Variants in NCKAP5 observed in about 807,000 individuals in gnomAD.
The protein encoded by NCKAP5 is NCK associated protein 5, also known as nck-associated protein 5.
NCKAP5 carries 92 observed loss-of-function variants against 167.0 expected under a neutral mutation model. That is an observed-to-expected ratio of 0.55 (90% CI 0.47 to 0.66). The LOEUF is 0.66. Among genes scored for constraint, NCKAP5 ranks in the 30% least tolerant of loss-of-function variants. The pLI is 0.00. For missense variants in NCKAP5, 2,378 were observed against 2,315.0 expected (o/e 1.03, Z -0.56); for synonymous variants, 891 against 877.4 (o/e 1.02, Z -0.27).
chr2:133,171,123 A>G (rs935371414), intron 5 of NCKAP5, among the ~76,000 whole-genome samples: 3 of 152,190 alleles, frequency 2.0e-5, no homozygotes, highest in African/African-American at 7.2e-5. Flanking sequence ...AGAGAGATAA[A>G]GGGAGCATTT....
chr2:133,352,184 T>A (rs1181947487), intron 3 of NCKAP5, among the ~76,000 whole-genome samples: 1 of 152,200 alleles, frequency 6.6e-6, no homozygotes, highest in Non-Finnish European at 1.5e-5. Context: ...TCACACTCTG[T>A]ATCCCCCTCC....
rs182293230 is a variant in NCKAP5 at position 133,280,422 on chromosome 2, T to A, written c.143+22615A>T. ...TGTTTATTTATTTATTTATTTATTT[T>A]TTGAGACAGGGTCTGACTCTCTTGC... On this transcript the variant is annotated intron_variant, in intron 4 of 19. Transcript: ENST00000409261. Among the ~76,000 whole-genome samples, 154 of 151,058 alleles carry A rather than the reference T, an allele frequency of 1.0e-3. 1 individual carries two copies. Among genetic ancestry groups the A allele is most frequent in the African/African-American group, 3.4e-3 (136 of 40,398 alleles).
the NCKAP5 span, among the ~76,000 whole-genome samples, chr2:133,647,420 A>AAGGAAGGAAGGAAGG: frequency 3.4e-5 from 2 of 59,372 alleles, no homozygotes; most frequent in African/African-American, 8.5e-5. Context: ...AGGAAGGAAG[A>AAGGAAGGAAGGAAGG]GAAAGAAAGG....
At chr2:133,406,657 A>C (rs1378536666) in intron 3 of NCKAP5, among the ~76,000 whole-genome samples, 1 of 152,176 alleles carries the variant, frequency 6.6e-6, no homozygotes, top group Non-Finnish European at 1.5e-5. Flanking sequence ...AAAGAGTTTA[A>C]TAATTTATCA....
chr2:132,736,964 G>T (rs548840735), intron 16 of NCKAP5, among the ~76,000 whole-genome samples: 16 of 152,270 alleles, frequency 1.1e-4, no homozygotes, highest in African/African-American at 3.4e-4. Flanking sequence ...TCTGATTCTG[G>T]TCAACCCTCT....
At chr2:133,543,559 C>T (rs11684547) in intron 2 of NCKAP5, among the ~76,000 whole-genome samples, 41,537 of 152,014 alleles carry the variant, frequency 0.27, 6,198 homozygotes, top group East Asian at 0.37. Flanking sequence ...TATTATCACT[C>T]CTAAGTTTCA....
At chr2:133,003,916 G>A (rs1162396274) in intron 6 of NCKAP5, among the ~76,000 whole-genome samples, 1 of 152,128 alleles carries the variant, frequency 6.6e-6, no homozygotes, top group East Asian at 1.9e-4. Context: ...TCCTGCTTGG[G>A]GAGCTAACTG....
chr2:133,218,211 C>T (rs768123077), intron 4 of NCKAP5, among the ~76,000 whole-genome samples: 8 of 151,974 alleles, frequency 5.3e-5, no homozygotes, highest in Non-Finnish European at 1.0e-4. Context: ...ATAAGTAAAA[C>T]ATTTTTATTA....
In NCKAP5 at chr2:132,731,681, T is replaced by C. The variant is rs959218176; in HGVS notation, c.5443+56A>G. On this transcript the variant is annotated intron_variant, in intron 17 of 19. Coordinates refer to ENST00000409261, the MANE Select transcript of NCKAP5 (RefSeq NM_207363.3). ...GACTTACTCATCTCCTGGTGAAAAGTTTCCCTTTTTTTTGTCAGCAAATGT... is the reference window on the plus strand; with the variant it reads ...GACTTACTCATCTCCTGGTGAAAAGCTTCCCTTTTTTTTGTCAGCAAATGT... 1.7e-5 allele frequency: 25 copies of C among 1,507,424 alleles called. No homozygotes were observed. In the African/African-American group the frequency reaches 3.2e-4, roughly 19 times the overall value. 93.4% of individuals were successfully genotyped at this position (1,507,424 alleles called of 1,614,324 possible).
chr2:132,954,518 T>C (rs769449418), intron 8 of NCKAP5: 4 of 374,186 alleles, frequency 1.1e-5, no homozygotes, highest in African/African-American at 2.1e-5. Flanking sequence ...CATTATAATA[T>C]TGAAATACTG....
intron 3 of NCKAP5, among the ~76,000 whole-genome samples, chr2:133,325,502 C>T (rs577723440): frequency 4.1e-4 from 63 of 152,272 alleles, no homozygotes; most frequent in African/African-American, 1.4e-3. Context: ...CAACCCTAGC[C>T]TTCCCTAAGC....
At chr2:133,429,527 C>T (rs1030846006) in intron 3 of NCKAP5, among the ~76,000 whole-genome samples, 2 of 152,010 alleles carry the variant, frequency 1.3e-5, no homozygotes, top group South Asian at 4.2e-4. Flanking sequence ...TGTCTGTGTG[C>T]CCCCCAGATT....
intron 4 of NCKAP5, among the ~76,000 whole-genome samples, chr2:133,283,359 G>T (rs995618031): frequency 7.9e-5 from 12 of 152,014 alleles, no homozygotes; most frequent in African/African-American, 2.7e-4. Flanking sequence ...TAATTCAGCA[G>T]CACACACTAG....
chr2:132,909,009 TTA>T (rs1396960091), intron 8 of NCKAP5, among the ~76,000 whole-genome samples: 2 of 152,192 alleles, frequency 1.3e-5, no homozygotes, highest in African/African-American at 4.8e-5. Context: ...TGTGATCAAC[TTA>T]TGGCAATCTC....
At chr2:133,370,248 G>A (rs1574818637) in intron 3 of NCKAP5, among the ~76,000 whole-genome samples, 1 of 152,302 alleles carries the variant, frequency 6.6e-6, no homozygotes, top group Admixed American at 6.5e-5. Context: ...ACCAGAAAGA[G>A]CTTGGGAAAG....
intron 19 of NCKAP5, among the ~76,000 whole-genome samples, chr2:132,716,578 G>C (rs1462423904): frequency 2.0e-5 from 3 of 151,974 alleles, no homozygotes; most frequent in Non-Finnish European, 4.4e-5. Flanking sequence ...TTGAACTTGA[G>C]GGGGGTAACA....
At chr2:132,884,990 T>C (rs1453600698) in intron 8 of NCKAP5, among the ~76,000 whole-genome samples, 2 of 152,334 alleles carry the variant, frequency 1.3e-5, no homozygotes, top group East Asian at 3.9e-4. Flanking sequence ...TAAAGGGTGC[T>C]GGTGAAAGCA....
intron 1 of NCKAP5, among the ~76,000 whole-genome samples, chr2:133,559,621 T>G (rs866386732): frequency 1.3e-5 from 2 of 152,310 alleles, no homozygotes; most frequent in South Asian, 2.1e-4. Flanking sequence ...ACCCAGCTAC[T>G]GTTGAAATTA....
intron 19 of NCKAP5, among the ~76,000 whole-genome samples, chr2:132,710,316 G>T (rs1688725321): frequency 6.6e-6 from 1 of 152,278 alleles, no homozygotes; most frequent in Middle Eastern, 3.4e-3. Context: ...AACACTGGAA[G>T]TATTCCCTTT....
Sources: gnomAD v4.1 joint callset for allele counts (sites outside exome capture counted in the v4.1 genomes callset) on GRCh38, gnomAD v4.1.1 for gene constraint, MANE v1.5 for transcripts, NCBI Gene and HGNC (gene_info 2026-07-23, HGNC 2026-07-21) for gene names.